Variants in XPNPEP1 observed in about 807,000 individuals in gnomAD.
The protein encoded by XPNPEP1 is X-prolyl aminopeptidase 1.
In XPNPEP1, 39 loss-of-function variants were observed where a neutral mutation model predicts 92.4. That is an observed-to-expected ratio of 0.42 (90% CI 0.33 to 0.55). The LOEUF (loss-of-function observed/expected upper bound fraction) is 0.55, where lower values mean the gene tolerates loss of function less well. Among genes scored for constraint, XPNPEP1 ranks in the 20% least tolerant of loss-of-function variants. XPNPEP1 has a pLI of 0.08. For synonymous variants in XPNPEP1, 307 were observed against 299.4 expected, an observed-to-expected ratio of 1.03 and a Z score of -0.26; for missense variants, 654 against 856.1, an observed-to-expected ratio of 0.76 and a Z score of 2.95.
At chr10:109,922,171 C>T (rs1238797393) in intron 1 of XPNPEP1, among the ~76,000 whole-genome samples, 2 of 152,140 alleles carry the variant, frequency 1.3e-5, no homozygotes, top group Admixed American at 6.5e-5. Flanking sequence ...CAAATTCTAC[C>T]AGTAGGGGAG....
At chr10:109,875,757 T>C in intron 14 of XPNPEP1, 158 bp from the exon 15 acceptor site, 1 of 588,002 alleles carries the variant, frequency 1.7e-6, no homozygotes, top group Non-Finnish European at 2.9e-6. Flanking sequence ...TTATTTCAAC[T>C]AATATTAAAC....
intron 3 of XPNPEP1, among the ~76,000 whole-genome samples, chr10:109,899,011 T>C (rs535228045): frequency 9.1e-4 from 139 of 152,270 alleles, no homozygotes; most frequent in Non-Finnish European, 1.6e-3. Flanking sequence ...CTCAAGAAAA[T>C]TGAAACTGAA....
chr10:109,891,878 C>A, intron 4 of XPNPEP1, 52 bp from the exon 5 acceptor site: 1 of 1,568,826 alleles, frequency 6.4e-7, no homozygotes, highest in Non-Finnish European at 8.7e-7. Flanking sequence ...AACAACTGCT[C>A]AGAAGCTGCA....
intron 16 of XPNPEP1, among the ~76,000 whole-genome samples, chr10:109,872,146 T>C (rs1589546677): frequency 6.6e-6 from 1 of 152,182 alleles, no homozygotes; most frequent in Admixed American, 6.5e-5. Flanking sequence ...TTAGAAAGAA[T>C]GGAAAAGTAA....
intron 15 of XPNPEP1, among the ~76,000 whole-genome samples, chr10:109,875,079 C>A (rs1847705223): frequency 1.3e-5 from 2 of 152,174 alleles, no homozygotes; most frequent in Non-Finnish European, 2.9e-5. Context: ...GAGATGATAG[C>A]CGTGAAAGCA....
intron 1 of XPNPEP1, among the ~76,000 whole-genome samples, chr10:109,918,385 C>T (rs1003812982): frequency 6.6e-6 from 1 of 152,112 alleles, no homozygotes; most frequent in African/African-American, 2.4e-5. Flanking sequence ...CGCCCCACTG[C>T]AGTCTAGCCT....
intron 1 of XPNPEP1, among the ~76,000 whole-genome samples, chr10:109,918,125 C>CA (rs920531017): frequency 1.1e-4 from 17 of 150,346 alleles, no homozygotes; most frequent in African/African-American, 3.4e-4. Context: ...AAAAAAAAAA[C>CA]AAAAAAACAA....
chr10:109,873,280 A>C, intron 16 of XPNPEP1, 87 bp downstream of exon 16: 1 of 1,505,836 alleles, frequency 6.6e-7, no homozygotes, highest in Non-Finnish European at 9.1e-7. Flanking sequence ...TGTAATTTTT[A>C]CTTCTTTATA....
chr10:109,883,668 A>G (rs1848232210), intron 9 of XPNPEP1: 1 of 166,100 alleles, frequency 6.0e-6, no homozygotes, highest in East Asian at 1.7e-4. Flanking sequence ...GCTTTGAAAA[A>G]ATAAACTGAC....
chr10:109,869,968 A>C lies in XPNPEP1; in HGVS notation c.1758T>G (p.Val586=), dbSNP rs1235802996. Reference sequence around the variant, plus strand: ...AAATCCTCACCTTGGTCTTCACAGGAACCACAAGGACAACATTCTCAATGC... The same window carrying C: ...AAATCCTCACCTTGGTCTTCACAGGCACCACAAGGACAACATTCTCAATGC... ...GIRIENVVLV[V]PVKTKYNFNN... Residue 586 remains valine (V), a synonymous_variant, in exon 19 of 21, where the codon GTT becomes GTG. Transcript: ENST00000502935. The C allele has an allele frequency of 1.9e-6, 3 of 1,614,084 alleles. No individual in the cohort carries two copies. Among genetic ancestry groups the C allele is most frequent in the Non-Finnish European group, 8.5e-7 (1 of 1,180,028 alleles).
At position 109,920,686 on chromosome 10, in the gene XPNPEP1, G is replaced by A. The variant is rs114767242; in HGVS notation, c.32+2716C>T. Among the ~76,000 whole-genome samples, 458 of 152,080 alleles carry A rather than the reference G, an allele frequency of 3.0e-3. 3 individuals carry two copies. Among genetic ancestry groups the A allele is most frequent in the African/African-American group, 0.011 (445 of 41,462 alleles). On this transcript the variant is annotated intron_variant, in intron 1 of 20. Transcript: ENST00000502935. The stretch of plus-strand genomic sequence containing the variant: ...CAAGGACCTAGGACTACAGGTATGT[G>A]CCATCACACCAACCTGATTTTTTTT...
chr10:109,872,189 T>C lies in XPNPEP1; in HGVS notation c.1453-328A>G, dbSNP rs560885357. Among the ~76,000 whole-genome samples, 27 of 152,372 alleles carry C rather than the reference T, an allele frequency of 1.8e-4. No individual in the cohort carries two copies. In the South Asian group the frequency reaches 5.4e-3, roughly 30 times the overall value. ...TACTGATGACCCTAGCTAACATTACTGAGCTATCCTCTGTGCCACGCACTA... is the reference window on the plus strand; with the variant it reads ...TACTGATGACCCTAGCTAACATTACCGAGCTATCCTCTGTGCCACGCACTA... On this transcript the variant is annotated intron_variant, in intron 16 of 20. Coordinates refer to ENST00000502935, the MANE Select transcript of XPNPEP1 (RefSeq NM_020383.4).
intron 18 of XPNPEP1, 28 bp from the exon 19 acceptor site, chr10:109,870,057 G>T (rs747083756): frequency 8.7e-6 from 14 of 1,612,162 alleles, no homozygotes; most frequent in South Asian, 7.7e-5. Flanking sequence ...CCAAAAATGA[G>T]AAGCAGCCCA....
intron 3 of XPNPEP1, 134 bp downstream of exon 3, chr10:109,907,557 C>G: frequency 7.2e-7 from 1 of 1,386,548 alleles, no homozygotes; most frequent in Non-Finnish European, 9.7e-7. Context: ...CTATTGGACA[C>G]AGATCCCCAT....
chr10:109,905,735 A>T (rs924705980), intron 3 of XPNPEP1, among the ~76,000 whole-genome samples: 14 of 152,370 alleles, frequency 9.2e-5, no homozygotes, highest in Admixed American at 8.5e-4. Flanking sequence ...CCACAATAAA[A>T]AAACACTGTT....
intron 7 of XPNPEP1, among the ~76,000 whole-genome samples, chr10:109,887,750 T>C (rs1848471534): frequency 6.6e-6 from 1 of 152,156 alleles, no homozygotes; most frequent in African/African-American, 2.4e-5. Context: ...ATCAAATACG[T>C]TCGAGTGGCA....
intron 2 of XPNPEP1, among the ~76,000 whole-genome samples, chr10:109,912,305 T>G (rs1849921478): frequency 6.6e-6 from 1 of 152,150 alleles, no homozygotes; most frequent in African/African-American, 2.4e-5. Context: ...ATATTAGACA[T>G]GATGAAAGAA....
intron 8 of XPNPEP1, chr10:109,884,595 G>C (rs1848289910): frequency 6.5e-6 from 1 of 154,038 alleles, no homozygotes. Flanking sequence ...AGGGAAGCCA[G>C]GCAAGCCTCC....
In XPNPEP1 at chr10:109,912,789, A is replaced by G. The variant is rs528747943; in HGVS notation, c.121+2222T>C. On this transcript the variant is annotated intron_variant, in intron 2 of 20. Transcript: ENST00000502935. ...AATTGTGTAAACAGGTGTGTATACC[A>G]CTTCTCCGGAAGGCAGGGATGATGT... is the stretch of plus-strand genomic sequence containing the variant. Among the ~76,000 whole-genome samples, 11 of 152,362 alleles carry G rather than the reference A, an allele frequency of 7.2e-5. No homozygotes were observed. The South Asian group carries it at 2.3e-3, about 32-fold the overall frequency.
Sources: allele counts gnomAD v4.1 joint callset (sites outside exome capture counted in the v4.1 genomes callset), GRCh38; gene constraint gnomAD v4.1.1; transcripts MANE v1.5; gene names NCBI Gene and HGNC (gene_info 2026-07-23, HGNC 2026-07-21).